The following IMMP2L variants were observed in gnomAD, a reference collection of about 807,000 sequenced individuals.
IMMP2L encodes the protein mitochondrial inner membrane protease subunit 2.
IMMP2L carries 18 observed loss-of-function variants against 19.3 expected under a neutral mutation model. That is an observed-to-expected ratio of 0.93 (90% CI 0.64 to 1.38). The LOEUF is 1.38. Ranked by LOEUF, IMMP2L falls within the 40% of genes most tolerant of loss-of-function variation. The probability of loss-of-function intolerance (pLI) is 0.00; values close to 1 mark genes in which losing one functional copy is unlikely to be tolerated. For missense variants in IMMP2L, 233 were observed against 218.2 expected (o/e 1.07, Z -0.43); for synonymous variants, 76 against 73.0 (o/e 1.04, Z -0.21).
At chr7:110,832,987 T>C (rs987512445) in intron 5 of IMMP2L, among the ~76,000 whole-genome samples, 3 of 152,178 alleles carry the variant, frequency 2.0e-5, no homozygotes, top group African/African-American at 7.2e-5. Context: ...TGGTGATCAG[T>C]AATGCCTCAC....
intron 3 of IMMP2L, among the ~76,000 whole-genome samples, chr7:111,374,867 T>C (rs1002770958): frequency 3.9e-5 from 6 of 152,104 alleles, no homozygotes; most frequent in African/African-American, 9.7e-5. Context: ...AAAGTTACAT[T>C]AAATCAGGGA....
chr7:110,789,223 A>G (rs1416519996), intron 5 of IMMP2L, among the ~76,000 whole-genome samples: 3 of 151,796 alleles, frequency 2.0e-5, no homozygotes, highest in Non-Finnish European at 2.9e-5. Flanking sequence ...AATAGAGGGA[A>G]CAGACAAGAT....
intron 3 of IMMP2L, among the ~76,000 whole-genome samples, chr7:111,355,355 G>A (rs1348665989): frequency 6.6e-6 from 1 of 151,578 alleles, no homozygotes; most frequent in African/African-American, 2.4e-5. Flanking sequence ...ATGAAAATTA[G>A]CAATTTATAC....
At chr7:111,322,986 C>A (rs1452203848) in intron 3 of IMMP2L, among the ~76,000 whole-genome samples, 2 of 151,522 alleles carry the variant, frequency 1.3e-5, no homozygotes, top group East Asian at 3.9e-4. Context: ...ACACGGACGG[C>A]TGCATCTCCC....
At chr7:111,539,705 T>TAAAAGAAA (rs1468095052) in intron 1 of IMMP2L, among the ~76,000 whole-genome samples, 1 of 150,490 alleles carries the variant, frequency 6.6e-6, no homozygotes, top group African/African-American at 2.4e-5. Context: ...AAAATAAGAA[T>TAAAAGAAA]AAAAGAAAAA....
intron 3 of IMMP2L, among the ~76,000 whole-genome samples, chr7:111,287,675 C>A (rs890805153): frequency 6.6e-6 from 1 of 152,044 alleles, no homozygotes; most frequent in Non-Finnish European, 1.5e-5. Flanking sequence ...TAAAAACTGC[C>A]ATACATTCTG....
intron 5 of IMMP2L, among the ~76,000 whole-genome samples, chr7:110,733,941 T>C (rs1796448123): frequency 6.6e-6 from 1 of 152,082 alleles, no homozygotes; most frequent in Non-Finnish European, 1.5e-5. Flanking sequence ...CTTCCCAGCC[T>C]CCTGAACAGT....
At chr7:111,526,634 C>A (rs1157883137) in intron 1 of IMMP2L, among the ~76,000 whole-genome samples, 1 of 152,188 alleles carries the variant, frequency 6.6e-6, no homozygotes, top group African/African-American at 2.4e-5. Context: ...GAGCAAGATT[C>A]TTTCCTGTTT....
At chr7:111,176,367 C>G (rs1807062311) in intron 3 of IMMP2L, among the ~76,000 whole-genome samples, 1 of 151,956 alleles carries the variant, frequency 6.6e-6, no homozygotes, top group African/African-American at 2.4e-5. Context: ...TGGAAGCAAC[C>G]TAGATTTCTA....
Position 111,213,221 on chromosome 7 carries a change from C to T in IMMP2L, c.240-249656G>A, listed in dbSNP as rs1811522878. 6.6e-6 allele frequency among the ~76,000 whole-genome samples: 1 copy of T among 152,212 alleles called. No individual in the cohort carries two copies. Among genetic ancestry groups the T allele is most frequent in the African/African-American group, 2.4e-5 (1 of 41,460 alleles). On this transcript the variant is annotated intron_variant, in intron 3 of 5. Coordinates refer to ENST00000405709, the MANE Select transcript of IMMP2L (RefSeq NM_032549.4). The surrounding 1 kb of genome is among the most constrained non-coding windows in gnomAD (Gnocchi z 4.8). ...TCTTGGAGTGGAGTTGAGGCCTAGCCCGGGTGCTGTCACAATCAGGCTGAG... is the reference window on the plus strand; with the variant it reads ...TCTTGGAGTGGAGTTGAGGCCTAGCTCGGGTGCTGTCACAATCAGGCTGAG...
At chr7:110,973,279 C>T (rs1225451673) in intron 3 of IMMP2L, among the ~76,000 whole-genome samples, 5 of 152,152 alleles carry the variant, frequency 3.3e-5, no homozygotes, top group African/African-American at 1.2e-4. Flanking sequence ...ACATTTTATA[C>T]TGTAAAAACA....
At chr7:110,879,132 T>TATA (rs1168477343) in intron 5 of IMMP2L, among the ~76,000 whole-genome samples, 1 of 152,102 alleles carries the variant, frequency 6.6e-6, no homozygotes, top group East Asian at 1.9e-4. Flanking sequence ...TGGCTCATAG[T>TATA]ATAATCCCAG....
chr7:110,839,754 T>C (rs1298685496), intron 5 of IMMP2L, among the ~76,000 whole-genome samples: 1 of 152,162 alleles, frequency 6.6e-6, no homozygotes, highest in Non-Finnish European at 1.5e-5. Flanking sequence ...ATGATATCTA[T>C]TCATATTAAT....
chr7:110,984,362 G>C (rs972626480), intron 3 of IMMP2L, among the ~76,000 whole-genome samples: 15 of 150,436 alleles, frequency 1.0e-4, no homozygotes, highest in African/African-American at 3.4e-4. Context: ...ACAGTTTCTA[G>C]ATCAAATTCA....
At chr7:111,038,435 C>T (rs1052831263) in intron 3 of IMMP2L, among the ~76,000 whole-genome samples, 1 of 152,054 alleles carries the variant, frequency 6.6e-6, no homozygotes, top group Non-Finnish European at 1.5e-5. Context: ...AAAAGTTGTC[C>T]TCTTTTCAAA....
intron 3 of IMMP2L, among the ~76,000 whole-genome samples, chr7:111,104,483 T>C (rs1484752133): frequency 6.6e-6 from 1 of 151,858 alleles, no homozygotes; most frequent in Non-Finnish European, 1.5e-5. Context: ...ACTAATACCA[T>C]CACTTCTATT....
intron 5 of IMMP2L, among the ~76,000 whole-genome samples, chr7:110,741,126 TATATACCATGGA>T (rs1796962856): frequency 6.6e-6 from 1 of 152,132 alleles, no homozygotes; most frequent in African/African-American, 2.4e-5. Context: ...AAAATGTTTA[TATATACCATGGA>T]ATACTACTCA....
At chr7:111,471,947 G>T (rs1039897516) in intron 3 of IMMP2L, among the ~76,000 whole-genome samples, 2 of 151,994 alleles carry the variant, frequency 1.3e-5, no homozygotes, top group Non-Finnish European at 2.9e-5. Context: ...ACAAAACCCA[G>T]ACTAGAACCT....
At chr7:110,980,677 A>C (rs183499646) in intron 3 of IMMP2L, among the ~76,000 whole-genome samples, 101 of 152,312 alleles carry the variant, frequency 6.6e-4, no homozygotes, top group Non-Finnish European at 1.2e-3. Context: ...CAGAGAAATC[A>C]ACCATTTTTT....
Sources: gnomAD v4.1 joint callset for allele counts (sites outside exome capture counted in the v4.1 genomes callset) on GRCh38, gnomAD v4.1.1 for gene constraint, Gnocchi (gnomAD v3.1) non-coding constraint, MANE v1.5 for transcripts, NCBI Gene and HGNC (gene_info 2026-07-23, HGNC 2026-07-21) for gene names.